Variants in USP2 observed in about 807,000 individuals in gnomAD.
USP2 encodes ubiquitin carboxyl-terminal hydrolase 2.
Under a neutral mutation model 72.0 loss-of-function variants are expected in USP2, and 33 were observed. The observed-to-expected ratio is 0.46, with a 90% CI of 0.35 to 0.61. USP2 has a LOEUF of 0.61. USP2 is among the 20% of genes least tolerant of loss of function. USP2 has a pLI of 0.01. For synonymous variants in USP2, 296 were observed against 312.5 expected, an observed-to-expected ratio of 0.95 and a Z score of 0.56; for missense variants, 691 against 797.8, an observed-to-expected ratio of 0.87 and a Z score of 1.61.
Position 119,357,493 on chromosome 11 carries a change from T to C in USP2, c.1599A>G (p.Ser533=). Residue 533 remains serine, a synonymous_variant, in exon 11 of 13, where the codon TCA becomes TCG. Coordinates refer to ENST00000260187, the MANE Select transcript of USP2 (RefSeq NM_004205.5). The stretch of plus-strand genomic sequence containing the variant: ...CTCAAAGATACTCACTGGTGTTTTC[T>C]GAGGCAAATTCTCTTAAGTCCAGGT... ...LRDLDLREFA[S]ENTNHAVYNL... is the part of the protein sequence containing the mutation. The C allele has an allele frequency of 6.2e-7, 1 of 1,614,194 alleles. No homozygotes were observed. The highest frequency in any genetic ancestry group is 2.2e-5 in the East Asian group (1 of 44,870).
chr11:119,366,713 G>A (rs1026694139), intron 2 of USP2, among the ~76,000 whole-genome samples: 14 of 152,206 alleles, frequency 9.2e-5, no homozygotes, highest in Non-Finnish European at 1.9e-4. Flanking sequence ...AGGGTGGGGT[G>A]TGAGTCTGCT....
chr11:119,376,290 G>A (rs935812727), intron 1 of USP2: 4 of 985,562 alleles, frequency 4.1e-6, no homozygotes, highest in African/African-American at 1.7e-5. Flanking sequence ...GGCCCTGGCC[G>A]GAGTCTCGCT....
At chr11:119,364,094 G>C in intron 2 of USP2, 1 of 1,257,640 alleles carries the variant, frequency 8.0e-7, no homozygotes, top group Non-Finnish European at 1.0e-6. Flanking sequence ...CGCCGAGGCC[G>C]GCGAGACCGC....
rs775381605 is a variant in USP2, at chr11:119,378,074, G to C, written c.-42+3399C>G. Among the ~76,000 whole-genome samples, 3 of 152,204 alleles carry C rather than the reference G, an allele frequency of 2.0e-5. No homozygotes were observed. The East Asian group carries it at 5.8e-4, about 30-fold the overall frequency. ...TGAGTGGGGAGTCCCAGCCAGTCCC[G>C]CCAGGTGGTTGGGAGCCCCCACAGT... On this transcript the variant is annotated intron_variant, in intron 1 of 12. Coordinates refer to ENST00000260187, the MANE Select transcript of USP2 (RefSeq NM_004205.5).
chr11:119,363,759 C>T, intron 2 of USP2: 1 of 1,066,702 alleles, frequency 9.4e-7, no homozygotes, highest in African/African-American at 1.7e-5. Flanking sequence ...AATCCGTCCC[C>T]TCACCTAGGG....
In USP2 at chr11:119,357,794, C is replaced by A. The variant is rs1311945590; in HGVS notation, c.1464G>T (p.Lys488Asn). Residue 488 changes from lysine to asparagine, a missense_variant, in exon 10 of 13, where the codon AAG (lysine) becomes AAT (asparagine). Lys to Asn is a moderately conservative substitution (Grantham distance 94, BLOSUM62 0). Coordinates refer to ENST00000260187, the MANE Select transcript of USP2 (RefSeq NM_004205.5). ...TCTTTGGGAACCTCTGGATGGAGAA[C>A]TTCTTTATACACCGTTTTCTGCCTC... ...RCRGRKRCIK[K>N]FSIQRFPKIL... 1 of 1,614,040 alleles carries A rather than the reference C, an allele frequency of 6.2e-7. No homozygotes were observed.
chr11:119,368,039 C>T (rs1172047479), intron 2 of USP2, among the ~76,000 whole-genome samples: 1 of 152,186 alleles, frequency 6.6e-6, no homozygotes, highest in Non-Finnish European at 1.5e-5. Context: ...AAGGCAGTAC[C>T]AAGGCTAACG....
rs746973403 is a variant in USP2 at position 119,372,737 on chromosome 11, G to A, written c.744C>T (p.Ser248=). 3.3e-6 allele frequency: 5 copies of A among 1,527,758 alleles called. No individual in the cohort carries two copies. In the East Asian group the frequency reaches 9.0e-5, roughly 28 times the overall value. 94.6% of individuals were successfully genotyped at this position (1,527,758 alleles called of 1,614,324 possible). A position where few individuals can be genotyped will look rare whatever the true frequency, so the allele number is the denominator to read the frequency against. Residue 248 remains serine (S), a synonymous_variant, in exon 2 of 13, where the codon AGC becomes AGT. Transcript: ENST00000260187. ...ETGKGQAPGP[S]RSSSPGRDGM... ...CGTCTCTTCCCGGGGAGCTGGAGCG[G>A]CTGGGCCCAGGGGCCTGACCCTTTC...
chr11:119,371,108 C>T (rs907064751), intron 2 of USP2, among the ~76,000 whole-genome samples: 14 of 152,126 alleles, frequency 9.2e-5, no homozygotes, highest in Admixed American at 7.9e-4. Context: ...GGCCCCATCC[C>T]GAGAGAGTTT....
chr11:119,379,161 C>T (rs1162310671), intron 1 of USP2: 31 of 985,346 alleles, frequency 3.1e-5, no homozygotes, highest in Non-Finnish European at 3.7e-5. Flanking sequence ...CTTATCTGAC[C>T]TCGCAGACTC....
intron 2 of USP2, among the ~76,000 whole-genome samples, chr11:119,372,495 C>G (rs1950941620): frequency 6.6e-6 from 1 of 152,242 alleles, no homozygotes; most frequent in South Asian, 2.1e-4. Context: ...TGCGCGGGCC[C>G]TGAGTGGGCT....
intron 2 of USP2, 62 bp downstream of exon 2, chr11:119,372,645 T>G (rs1405414626): frequency 4.4e-5 from 65 of 1,468,484 alleles, no homozygotes; most frequent in Non-Finnish European, 5.8e-5. Flanking sequence ...GCCCTCAGCC[T>G]GGCTGTTCTC....
intron 2 of USP2, among the ~76,000 whole-genome samples, chr11:119,368,473 C>T (rs1950884288): frequency 1.3e-5 from 2 of 152,224 alleles, no homozygotes; most frequent in Non-Finnish European, 2.9e-5. Flanking sequence ...AACCTCCGCT[C>T]ACTGCAGGGC....
rs757127368 is a variant in USP2 at position 119,372,993 on chromosome 11, G to A, written c.488C>T (p.Pro163Leu). ...CATGGGGCTGCGGCCCAGGTTCCTGGGGTCTATCCGGTAGCTATCTGAGGT... is the reference window on the plus strand; with the variant it reads ...CATGGGGCTGCGGCCCAGGTTCCTGAGGTCTATCCGGTAGCTATCTGAGGT... ...LRTSDSYRID[P>L]RNLGRSPMLA... The change falls in exon 2 of 13, where the codon CCC becomes CTC. Residue 163 changes from proline (P) to leucine (L), a missense_variant. Coordinates refer to ENST00000260187, the MANE Select transcript of USP2 (RefSeq NM_004205.5). 5 of 1,613,712 alleles carry A rather than the reference G, an allele frequency of 3.1e-6. No individual in the cohort carries two copies. Among genetic ancestry groups the A allele is most frequent in the Non-Finnish European group, 4.2e-6 (5 of 1,180,038 alleles).
At chr11:119,378,618 TGGA>T (rs1951028543) in intron 1 of USP2, among the ~76,000 whole-genome samples, 1 of 152,122 alleles carries the variant, frequency 6.6e-6, no homozygotes, top group South Asian at 2.1e-4. Context: ...TCCTGACTGG[TGGA>T]GAAGAAGTGG....
intron 1 of USP2, 23 bp from the exon 2 acceptor site, chr11:119,373,544 G>A (rs1950963803): frequency 1.3e-6 from 2 of 1,492,644 alleles, no homozygotes; most frequent in African/African-American, 1.4e-5. Flanking sequence ...GAGTGTAGTT[G>A]TCAGAGGGCC....
At position 119,357,297 on chromosome 11, in the gene USP2, A is replaced by C; in HGVS notation, c.1620T>G (p.Val540=). The change falls in exon 12 of 13, where the codon GTT becomes GTG. Residue 540 remains valine (V), a synonymous_variant. Coordinates refer to ENST00000260187, the MANE Select transcript of USP2 (RefSeq NM_004205.5). ...GATTGGACACAGCGTACAGGTTGTA[A>C]ACAGCATGGTCTGAGGAGGAGGCAG... is the stretch of plus-strand genomic sequence containing the variant. ...EFASENTNHA[V]YNLYAVSNHS... is the part of the protein sequence containing the mutation. The C allele has an allele frequency of 3.1e-6, 5 of 1,612,812 alleles. No individual in the cohort carries two copies. Among genetic ancestry groups the C allele is most frequent in the Non-Finnish European group, 4.2e-6 (5 of 1,179,786 alleles).
At chr11:119,363,901 G>C in intron 2 of USP2, 1 of 1,328,946 alleles carries the variant, frequency 7.5e-7, no homozygotes, top group African/African-American at 1.6e-5. Context: ...CAGGGACGGG[G>C]AGAGAGGGGA....
chr11:119,374,957 C>A (rs867988947), intron 1 of USP2, among the ~76,000 whole-genome samples: 2 of 152,174 alleles, frequency 1.3e-5, no homozygotes, highest in African/African-American at 2.4e-5. Context: ...GATAACAACA[C>A]GTGAAGGGCT....
Sources: allele counts gnomAD v4.1 joint callset (sites outside exome capture counted in the v4.1 genomes callset), GRCh38; gene constraint gnomAD v4.1.1; transcripts MANE v1.5; gene names NCBI Gene and HGNC (gene_info 2026-07-23, HGNC 2026-07-21).